TOX3: variants seen among roughly 807,000 people sequenced by gnomAD.
TOX3 encodes CAG trinucleotide repeat-containing gene F9 protein.
Under a neutral mutation model 64.3 loss-of-function variants are expected in TOX3, and 22 were observed. The ratio of observed to expected loss-of-function variants is 0.34; its 90% CI spans 0.24 to 0.49. TOX3 has a LOEUF of 0.49. TOX3 is among the 20% of genes least tolerant of loss of function. The pLI, the probability that TOX3 is intolerant of heterozygous loss-of-function variation, is 0.99. For missense variants in TOX3, 661 were observed against 714.4 expected, an observed-to-expected ratio of 0.93 and a Z score of 0.85; for synonymous variants, 291 against 273.6, an observed-to-expected ratio of 1.06 and a Z score of -0.63.
intron 1 of TOX3, among the ~76,000 whole-genome samples, chr16:52,490,318 G>T (rs1212440497): frequency 6.6e-6 from 1 of 152,114 alleles, no homozygotes; most frequent in African/African-American, 2.4e-5. Flanking sequence ...CATGCTTCCT[G>T]TTAAGCCTGT....
At chr16:52,450,661 AC>A in intron 3 of TOX3, 115 bp from the exon 4 acceptor site, 1 of 1,314,176 alleles carries the variant, frequency 7.6e-7, no homozygotes, top group Non-Finnish European at 1.0e-6. Context: ...GATAGGTCTG[AC>A]CTATTGCAGG....
Position 52,439,776 on chromosome 16 carries a change from T to C in TOX3, c.1180A>G (p.Met394Val). 1.9e-6 allele frequency: 3 copies of C among 1,613,882 alleles called. No individual in the cohort carries two copies. The highest frequency in any genetic ancestry group is 2.5e-6 in the Non-Finnish European group (3 of 1,179,858). ...GTGACTGATGTGACAATCTGGTTCA[T>C]GGGGAGTCTCATGGTTAAGGGTTTG... Reference protein sequence around the residue: ...APKPLTMRLPMNQIVTSVTIA... With the variant: ...APKPLTMRLPVNQIVTSVTIA... The change falls in exon 7 of 7, where the codon ATG (methionine) becomes GTG (valine). Residue 394 changes from methionine to valine, a missense_variant. Met to Val is a conservative substitution (Grantham distance 21). This residue lies in a region of TOX3 where 299 missense variants were observed against 292.1 expected (regional missense o/e 1.02). Transcript: ENST00000219746.
chr16:52,537,589 T>C (rs552524018), intron 1 of TOX3, among the ~76,000 whole-genome samples: 28 of 152,250 alleles, frequency 1.8e-4, no homozygotes, highest in Admixed American at 2.0e-4. Context: ...CCACATTCTC[T>C]CATTGTGACA....
At chr16:52,485,145 ATG>A (rs36079456) in intron 1 of TOX3, among the ~76,000 whole-genome samples, 15 of 147,176 alleles carry the variant, frequency 1.0e-4, no homozygotes, top group Non-Finnish European at 1.6e-4. Context: ...ATGTGTGTAT[ATG>A]TGTGTGTATA....
At chr16:52,454,499 G>A (rs750604096) in intron 3 of TOX3, among the ~76,000 whole-genome samples, 1 of 152,160 alleles carries the variant, frequency 6.6e-6, no homozygotes, top group Non-Finnish European at 1.5e-5. Flanking sequence ...CCTCCTATGA[G>A]TGAAGATTAT....
intron 1 of TOX3, among the ~76,000 whole-genome samples, chr16:52,470,856 T>A (rs2151760774): frequency 6.6e-6 from 1 of 152,304 alleles, no homozygotes; most frequent in African/African-American, 2.4e-5. Flanking sequence ...TAGAAGGCCT[T>A]AATTAATGGC....
At chr16:52,523,422 G>A (rs1962656973) in intron 1 of TOX3, among the ~76,000 whole-genome samples, 1 of 152,156 alleles carries the variant, frequency 6.6e-6, no homozygotes, top group Non-Finnish European at 1.5e-5. Flanking sequence ...AAGCAGAGGA[G>A]TCACAGGGAC....
intron 1 of TOX3, among the ~76,000 whole-genome samples, chr16:52,505,462 C>G (rs1962134258): frequency 6.6e-6 from 1 of 152,150 alleles, no homozygotes; most frequent in Admixed American, 6.5e-5. Flanking sequence ...ATTAAACAAA[C>G]TGATTGACAA....
intron 1 of TOX3, among the ~76,000 whole-genome samples, chr16:52,530,257 T>C (rs566855674): frequency 3.9e-5 from 6 of 152,312 alleles, no homozygotes; most frequent in African/African-American, 1.2e-4. Context: ...ATGGAAATTT[T>C]AGTGTGCAAC....
chr16:52,507,314 A>G (rs1333289518), intron 1 of TOX3, among the ~76,000 whole-genome samples: 1 of 152,216 alleles, frequency 6.6e-6, no homozygotes, highest in Middle Eastern at 3.2e-3. Flanking sequence ...TAATCCCACC[A>G]TTTTGGTAGG....
intron 3 of TOX3, among the ~76,000 whole-genome samples, chr16:52,453,417 C>G (rs540577948): frequency 5.5e-4 from 84 of 152,250 alleles, no homozygotes; most frequent in African/African-American, 2.0e-3. Context: ...CTCCTGACCT[C>G]AAGTGATCTG....
At chr16:52,476,322 C>G (rs1961205560) in intron 1 of TOX3, among the ~76,000 whole-genome samples, 1 of 152,140 alleles carries the variant, frequency 6.6e-6, no homozygotes, top group Non-Finnish European at 1.5e-5. Flanking sequence ...ATGATCTGGA[C>G]ACATTTGAGT....
At chr16:52,533,661 ATTAAT>A (rs1269658243) in intron 1 of TOX3, among the ~76,000 whole-genome samples, 1 of 151,988 alleles carries the variant, frequency 6.6e-6, no homozygotes, top group Non-Finnish European at 1.5e-5. Context: ...TTAATTTCAC[ATTAAT>A]TTATTTAAGA....
At chr16:52,504,152 AGTAT>A (rs2151466540) in intron 1 of TOX3, among the ~76,000 whole-genome samples, 1 of 152,284 alleles carries the variant, frequency 6.6e-6, no homozygotes, top group South Asian at 2.1e-4. Context: ...AACAAAGCCA[AGTAT>A]TTTCCCATAA....
At chr16:52,456,547 C>T (rs1960522548) in intron 3 of TOX3, among the ~76,000 whole-genome samples, 1 of 152,194 alleles carries the variant, frequency 6.6e-6, no homozygotes, top group African/African-American at 2.4e-5. Flanking sequence ...TCGCCTCTCT[C>T]TCCACCTGAT....
intron 3 of TOX3, among the ~76,000 whole-genome samples, chr16:52,458,314 G>GGA (rs1960583783): frequency 6.6e-6 from 1 of 152,124 alleles, no homozygotes; most frequent in Non-Finnish European, 1.5e-5. Flanking sequence ...CTGGTAGGGA[G>GGA]GAGACAGATG....
At chr16:52,505,735 G>A (rs1567340287) in intron 1 of TOX3, among the ~76,000 whole-genome samples, 1 of 152,178 alleles carries the variant, frequency 6.6e-6, no homozygotes, top group Admixed American at 6.5e-5. Flanking sequence ...CCAGCACTTT[G>A]GGAGATCGAG....
At chr16:52,456,632 C>G (rs1960524916) in intron 3 of TOX3, among the ~76,000 whole-genome samples, 2 of 152,128 alleles carry the variant, frequency 1.3e-5, no homozygotes, top group African/African-American at 4.8e-5. Context: ...CCCTCATTTT[C>G]TTAAATTGCC....
chr16:52,455,845 G>C (rs2151749964), intron 3 of TOX3, among the ~76,000 whole-genome samples: 1 of 152,246 alleles, frequency 6.6e-6, no homozygotes. Flanking sequence ...CAAGGTAAAG[G>C]GTGAAATGCA....
Sources: gnomAD v4.1 joint callset for allele counts (sites outside exome capture counted in the v4.1 genomes callset) on GRCh38, gnomAD v4.1.1 for gene constraint, gnomAD v4.1.1 regional missense constraint, MANE v1.5 for transcripts, NCBI Gene and HGNC (gene_info 2026-07-23, HGNC 2026-07-21) for gene names.